Variants in ARHGAP15 observed in about 807,000 individuals in gnomAD.
ARHGAP15 encodes rho GTPase-activating protein 15.
Under a neutral mutation model 63.7 loss-of-function variants are expected in ARHGAP15, and 51 were observed. That is an observed-to-expected ratio of 0.80 (90% CI 0.64 to 1.01). The LOEUF (loss-of-function observed/expected upper bound fraction) is 1.01, where lower values mean the gene tolerates loss of function less well. Among genes scored for constraint, ARHGAP15 ranks in the 50% least tolerant of loss-of-function variants. The probability of loss-of-function intolerance (pLI) is 0.00; values close to 1 mark genes in which losing one functional copy is unlikely to be tolerated. For synonymous variants in ARHGAP15, 191 were observed against 193.8 expected, an observed-to-expected ratio of 0.99 and a Z score of 0.12; for missense variants, 560 against 564.6, an observed-to-expected ratio of 0.99 and a Z score of 0.08.
chr2:143,387,734 T>C (rs112712136), intron 6 of ARHGAP15, among the ~76,000 whole-genome samples: 16 of 152,174 alleles, frequency 1.1e-4, no homozygotes, highest in African/African-American at 3.9e-4. Flanking sequence ...TACTGATCTT[T>C]ATTACAAAAA....
chr2:143,369,596 C>G (rs1338954482), intron 6 of ARHGAP15, among the ~76,000 whole-genome samples: 1 of 151,922 alleles, frequency 6.6e-6, no homozygotes, highest in Non-Finnish European at 1.5e-5. Context: ...CTTTCTTATC[C>G]AAACTTCCAA....
chr2:143,201,559 G>T (rs1186899498), intron 2 of ARHGAP15, among the ~76,000 whole-genome samples: 1 of 152,026 alleles, frequency 6.6e-6, no homozygotes, highest in East Asian at 1.9e-4. Flanking sequence ...TAGAGATAGG[G>T]AATAGAATGA....
intron 11 of ARHGAP15, among the ~76,000 whole-genome samples, chr2:143,591,121 G>A (rs1428715411): frequency 6.6e-6 from 1 of 152,082 alleles, no homozygotes; most frequent in East Asian, 1.9e-4. Context: ...GCATATAGGA[G>A]CTAAAAATAT....
chr2:143,596,445 C>A (rs939297864), intron 11 of ARHGAP15, among the ~76,000 whole-genome samples: 5 of 152,168 alleles, frequency 3.3e-5, no homozygotes, highest in African/African-American at 1.2e-4. Context: ...AAATTGAATA[C>A]TTGTGAAGAG....
At chr2:143,694,815 A>G (rs1025625295) in intron 12 of ARHGAP15, among the ~76,000 whole-genome samples, 3 of 152,250 alleles carry the variant, frequency 2.0e-5, no homozygotes, top group African/African-American at 7.2e-5. Context: ...TTCAAAATGA[A>G]TGGTTAAGGA....
intron 6 of ARHGAP15, among the ~76,000 whole-genome samples, chr2:143,300,978 C>T (rs1682867263): frequency 6.6e-6 from 1 of 151,962 alleles, no homozygotes; most frequent in Non-Finnish European, 1.5e-5. Context: ...CAATGTCTGA[C>T]TACACTTTTT....
chr2:143,315,913 C>T (rs1040102695), intron 6 of ARHGAP15, among the ~76,000 whole-genome samples: 2 of 151,892 alleles, frequency 1.3e-5, no homozygotes, highest in South Asian at 2.1e-4. Flanking sequence ...GGTGAAACTG[C>T]GTCTGTACTA....
chr2:143,184,992 T>C (rs996931210), intron 2 of ARHGAP15, among the ~76,000 whole-genome samples: 35 of 151,996 alleles, frequency 2.3e-4, no homozygotes, highest in African/African-American at 8.5e-4. Flanking sequence ...ACACAGTATT[T>C]TGCCTACAGA....
intron 6 of ARHGAP15, among the ~76,000 whole-genome samples, chr2:143,284,764 A>G (rs2381407): frequency 0.6 from 90,930 of 151,982 alleles, 27,277 homozygotes; most frequent in Admixed American, 0.67. Context: ...AAACATCCAG[A>G]AACTACAAAA....
At chr2:143,598,158 C>T (rs1697600181) in intron 11 of ARHGAP15, among the ~76,000 whole-genome samples, 1 of 152,112 alleles carries the variant, frequency 6.6e-6, no homozygotes, top group Admixed American at 6.6e-5. Flanking sequence ...CAAGAATAAG[C>T]TACATTATCC....
intron 6 of ARHGAP15, among the ~76,000 whole-genome samples, chr2:143,427,733 G>A (rs1311584019): frequency 1.3e-5 from 2 of 151,974 alleles, no homozygotes; most frequent in African/African-American, 4.8e-5. Context: ...ATAGCCTTCA[G>A]ACTGCCATTA....
At chr2:143,425,314 T>A (rs1000516533) in intron 6 of ARHGAP15, among the ~76,000 whole-genome samples, 15 of 151,974 alleles carry the variant, frequency 9.9e-5, no homozygotes, top group African/African-American at 2.9e-4. Flanking sequence ...ACCATTAAAT[T>A]ATCTCTATTT....
intron 4 of ARHGAP15, among the ~76,000 whole-genome samples, chr2:143,224,975 A>G (rs1693147438): frequency 6.6e-6 from 1 of 152,222 alleles, no homozygotes; most frequent in Non-Finnish European, 1.5e-5. Context: ...GTTCTCACTC[A>G]TAAGTGGGAG....
At chr2:143,671,739 CCTAT>C (rs776525282) in intron 12 of ARHGAP15, among the ~76,000 whole-genome samples, 3 of 152,102 alleles carry the variant, frequency 2.0e-5, no homozygotes, top group Non-Finnish European at 4.4e-5. Flanking sequence ...ATCATTTATC[CCTAT>C]CTATCTCTGT....
intron 6 of ARHGAP15, among the ~76,000 whole-genome samples, chr2:143,409,678 A>G (rs1688364721): frequency 6.6e-6 from 1 of 152,086 alleles, no homozygotes; most frequent in Admixed American, 6.6e-5. Context: ...TTTTTACCAT[A>G]CCATTTCTAT....
chr2:143,313,150 A>T (rs1683526589), intron 6 of ARHGAP15, among the ~76,000 whole-genome samples: 1 of 152,172 alleles, frequency 6.6e-6, no homozygotes, highest in African/African-American at 2.4e-5. Flanking sequence ...TACTGACAAG[A>T]TGAGAGAGAA....
At chr2:143,223,768 G>T (rs1431707689) in intron 4 of ARHGAP15, among the ~76,000 whole-genome samples, 1 of 152,204 alleles carries the variant, frequency 6.6e-6, no homozygotes, top group Non-Finnish European at 1.5e-5. Context: ...TGACTACAGA[G>T]AGAGCTGCAT....
chr2:143,258,570 G>A (rs58465803), intron 6 of ARHGAP15, among the ~76,000 whole-genome samples: 36,053 of 152,010 alleles, frequency 0.24, 4,679 homozygotes, highest in East Asian at 0.41. Context: ...ACACTGCAGG[G>A]CAGTTAAGGA....
At chr2:143,725,570 T>A (rs1685238337) in intron 13 of ARHGAP15, among the ~76,000 whole-genome samples, 1 of 152,256 alleles carries the variant, frequency 6.6e-6, no homozygotes, top group Non-Finnish European at 1.5e-5. Context: ...CCCTTCCTTT[T>A]TTCTTATCAC....
Sources: allele counts gnomAD v4.1 joint callset (sites outside exome capture counted in the v4.1 genomes callset), GRCh38; gene constraint gnomAD v4.1.1; transcripts MANE v1.5; gene names NCBI Gene and HGNC (gene_info 2026-07-23, HGNC 2026-07-21).